Variants in MAOA observed in about 807,000 individuals in gnomAD.
MAOA encodes monoamine oxidase A.
Under a neutral mutation model 42.0 loss-of-function variants are expected in MAOA, and 6 were observed. The ratio of observed to expected loss-of-function variants is 0.14; its 90% CI spans 0.08 to 0.28. The LOEUF is 0.28. Ranked by LOEUF, MAOA falls within the 10% of genes least tolerant of loss-of-function variation. The pLI is 1.00. For synonymous variants in MAOA, 140 were observed against 154.0 expected (o/e 0.91, Z 0.67); for missense variants, 262 against 422.3 (o/e 0.62, Z 3.33).
At chrX:43,657,917 C>G (rs953584720) in intron 1 of MAOA, 27 of 752,010 alleles carry the variant, frequency 3.6e-5, no homozygotes, top group African/African-American at 9.3e-5. Flanking sequence ...CCAGTACCAG[C>G]AAAAACATAC....
chrX:43,714,992 G>A (rs2033730921), intron 5 of MAOA, among the ~76,000 whole-genome samples: 1 of 110,567 alleles, frequency 9.0e-6, no homozygotes. Context: ...AAACATAGAT[G>A]GTGAGGCAAG....
At chrX:43,709,107 G>C (rs1035373880) in intron 3 of MAOA, among the ~76,000 whole-genome samples, 1 of 110,890 alleles carries the variant, frequency 9.0e-6, no homozygotes, top group African/African-American at 3.3e-5. Context: ...CAGGTGATCT[G>C]CCTGTCTCAG....
chrX:43,712,925 C>T (rs1248696041), intron 5 of MAOA, 129 bp downstream of exon 5: 17 of 518,196 alleles, frequency 3.3e-5, no homozygotes, highest in Admixed American at 8.4e-5. Context: ...ATCTTTCAGT[C>T]AATAGCAATG....
intron 3 of MAOA, among the ~76,000 whole-genome samples, chrX:43,711,450 A>T (rs2033698956): frequency 8.9e-6 from 1 of 112,033 alleles, no homozygotes; most frequent in Non-Finnish European, 1.9e-5. Context: ...CTTGTCCTAT[A>T]TGTGGTCTAA....
At chrX:43,730,460 A>C (rs2033871759) in intron 6 of MAOA, among the ~76,000 whole-genome samples, 1 of 107,321 alleles carries the variant, frequency 9.3e-6, no homozygotes, top group African/African-American at 3.4e-5. Context: ...TTTTGCAAAA[A>C]GTTACTCAAG....
chrX:43,656,367 T>G lies in MAOA; in HGVS notation c.26T>G (p.Ile9Ser), dbSNP rs957678830. The G allele has an allele frequency of 7.4e-6, 9 of 1,210,027 alleles. No homozygotes were observed. In the African/African-American group the frequency reaches 1.4e-4, roughly 19 times the overall value. The change falls in exon 1 of 15, where the codon ATC becomes AGC. Residue 9 changes from isoleucine (I) to serine (S), a missense_variant. By Grantham distance (142) the Ile-to-Ser change is moderately radical (BLOSUM62 -2). Coordinates refer to ENST00000338702, the MANE Select transcript of MAOA (RefSeq NM_000240.4). Reference protein sequence around the residue: MENQEKASIAGHMFDVVVI... With the variant: MENQEKASSAGHMFDVVVI... Reference sequence around the variant, plus strand: ...ATGGAGAATCAAGAGAAGGCGAGTATCGCGGGCCACATGTTCGACGTAGTC... The same window carrying G: ...ATGGAGAATCAAGAGAAGGCGAGTAGCGCGGGCCACATGTTCGACGTAGTC...
At chrX:43,708,507 T>C (rs1013396495) in intron 3 of MAOA, among the ~76,000 whole-genome samples, 4 of 111,327 alleles carry the variant, frequency 3.6e-5, no homozygotes, top group Non-Finnish European at 7.5e-5. Context: ...CATGCAAAAG[T>C]GTTCCCCACA....
At chrX:43,724,820 A>C (rs192928985) in intron 5 of MAOA, among the ~76,000 whole-genome samples, 1 of 111,744 alleles carries the variant, frequency 8.9e-6, no homozygotes, top group East Asian at 2.8e-4. Flanking sequence ...TAGTGCTATA[A>C]ATTTTCTTCT....
intron 1 of MAOA, among the ~76,000 whole-genome samples, chrX:43,674,914 A>C (rs1264257545): frequency 9.1e-6 from 1 of 110,484 alleles, no homozygotes; most frequent in African/African-American, 3.3e-5. Context: ...TGAATCTGAC[A>C]ATTATGTGTC....
intron 3 of MAOA, among the ~76,000 whole-genome samples, chrX:43,694,052 A>G (rs1239963287): frequency 9.0e-6 from 1 of 111,402 alleles, no homozygotes; most frequent in Non-Finnish European, 1.9e-5. Context: ...CTAGCCACTG[A>G]TTTCCACAGC....
Position 43,671,619 on chromosome X carries a change from A to G in MAOA, c.74-11894A>G, listed in dbSNP as rs867485727. 2.7e-3 allele frequency among the ~76,000 whole-genome samples: 274 copies of G among 100,538 alleles called. 1 individual carries two copies. The highest frequency in any genetic ancestry group is 6.8e-3 in the South Asian group (14 of 2,074). 87.3% of individuals were successfully genotyped at this position (100,538 alleles called of 115,157 possible). The stretch of plus-strand genomic sequence containing the variant: ...TAATCCATCTTGAATTAATTTTTGT[A>G]TAAGGTGTAAGGAAGGGATCCAGTT... On this transcript the variant is annotated intron_variant, in intron 1 of 14. Transcript: ENST00000338702.
chrX:43,685,353 A>T (rs1425360250), intron 2 of MAOA, among the ~76,000 whole-genome samples: 2 of 111,823 alleles, frequency 1.8e-5, no homozygotes, highest in Non-Finnish European at 3.8e-5. Context: ...CATTTGCTTT[A>T]GTCTCATTGG....
chrX:43,739,505 C>T lies in MAOA; in HGVS notation c.1107-1176C>T, dbSNP rs1464780891. Among the ~76,000 whole-genome samples, 6 of 112,235 alleles carry T rather than the reference C, an allele frequency of 5.3e-5. No homozygotes were observed. The Admixed American group carries it at 5.7e-4, about 11-fold the overall frequency. On this transcript the variant is annotated intron_variant, in intron 10 of 14. Coordinates refer to ENST00000338702, the MANE Select transcript of MAOA (RefSeq NM_000240.4). ...ATTTAGATAAATTTATAAGGTTACACTTTGTCCCATGTTATTCAGAGAAAT... is the reference window on the plus strand; with the variant it reads ...ATTTAGATAAATTTATAAGGTTACATTTTGTCCCATGTTATTCAGAGAAAT...
At chrX:43,656,473 C>T (rs2033180651) in intron 1 of MAOA, 59 bp downstream of exon 1, 4 of 1,011,758 alleles carry the variant, frequency 4.0e-6, no homozygotes, top group Non-Finnish European at 5.6e-6. Context: ...GTAGGGGAAC[C>T]TACAGTAGCT....
At chrX:43,720,981 G>A (rs1375148474) in intron 5 of MAOA, among the ~76,000 whole-genome samples, 1 of 110,872 alleles carries the variant, frequency 9.0e-6, no homozygotes, top group African/African-American at 3.3e-5. Context: ...CTGAGGGGAG[G>A]CAGGGAAGGG....
At chrX:43,673,274 T>C (rs936169607) in intron 1 of MAOA, among the ~76,000 whole-genome samples, 2 of 111,670 alleles carry the variant, frequency 1.8e-5, no homozygotes, top group African/African-American at 6.5e-5. Flanking sequence ...TTCTGTGGGA[T>C]CAGTGGTGAT....
At chrX:43,664,630 G>A (rs2033261391) in intron 1 of MAOA, among the ~76,000 whole-genome samples, 1 of 112,125 alleles carries the variant, frequency 8.9e-6, no homozygotes, top group Non-Finnish European at 1.9e-5. Flanking sequence ...CAGATTAAAT[G>A]AGTTAGCTTG....
intron 5 of MAOA, among the ~76,000 whole-genome samples, chrX:43,722,579 G>T (rs2033800113): frequency 8.9e-6 from 1 of 111,899 alleles, no homozygotes; most frequent in South Asian, 3.7e-4. Context: ...GTAGATTCTG[G>T]ATATTAGCCC....
At chrX:43,734,569 G>A (rs986070121) in intron 9 of MAOA, among the ~76,000 whole-genome samples, 38 of 111,892 alleles carry the variant, frequency 3.4e-4, no homozygotes, top group African/African-American at 9.4e-4. Flanking sequence ...GCTCTTTGCT[G>A]ATGGCCACAG....
Sources: gnomAD v4.1 joint callset for allele counts (sites outside exome capture counted in the v4.1 genomes callset) on GRCh38, gnomAD v4.1.1 for gene constraint, MANE v1.5 for transcripts, NCBI Gene and HGNC (gene_info 2026-07-23, HGNC 2026-07-21) for gene names.